SOX5: variants seen among roughly 807,000 people sequenced by gnomAD.
SOX5 encodes the protein transcription factor SOX-5.
A neutral mutation model predicts 92.0 loss-of-function variants in SOX5; 9 were observed. That is an observed-to-expected ratio of 0.10 (90% CI 0.06 to 0.17). The LOEUF is 0.17. Among genes scored for constraint, SOX5 ranks in the 10% least tolerant of loss-of-function variants. SOX5 has a pLI of 1.00. For missense variants in SOX5, 642 were observed against 944.5 expected, an observed-to-expected ratio of 0.68 and a Z score of 4.20; for synonymous variants, 344 against 336.3, an observed-to-expected ratio of 1.02 and a Z score of -0.25.
At chr12:23,583,994 T>C (rs1950382599) in intron 9 of SOX5, among the ~76,000 whole-genome samples, 1 of 152,036 alleles carries the variant, frequency 6.6e-6, no homozygotes, top group African/African-American at 2.4e-5. Context: ...AACAAAGAAA[T>C]AGAAGTCATG....
At chr12:24,504,597 T>C (rs1005492768) in intron 1 of SOX5, among the ~76,000 whole-genome samples, 1 of 152,180 alleles carries the variant, frequency 6.6e-6, no homozygotes, top group Non-Finnish European at 1.5e-5. Flanking sequence ...ATGCCTACCA[T>C]GTTTCCAAAA....
At chr12:23,941,113 A>T (rs908918278) in intron 1 of SOX5, among the ~76,000 whole-genome samples, 1 of 151,528 alleles carries the variant, frequency 6.6e-6, no homozygotes, top group African/African-American at 2.4e-5. Context: ...ATTTGGCAGG[A>T]TTCATTCAAG....
chr12:23,844,634 A>G (rs1015024390), intron 3 of SOX5, among the ~76,000 whole-genome samples: 1 of 152,222 alleles, frequency 6.6e-6, no homozygotes, highest in Non-Finnish European at 1.5e-5. Context: ...TTTTAAGTTT[A>G]GCATATTTCA....
intron 2 of SOX5, among the ~76,000 whole-genome samples, chr12:24,343,347 C>G (rs1952795167): frequency 6.6e-6 from 1 of 151,676 alleles, no homozygotes; most frequent in African/African-American, 2.4e-5. Flanking sequence ...CCTTGGGTCC[C>G]TACATCCCCT....
chr12:23,978,174 T>C (rs1420395008), intron 4 of SOX5, among the ~76,000 whole-genome samples: 2 of 152,198 alleles, frequency 1.3e-5, no homozygotes, highest in East Asian at 3.8e-4. Flanking sequence ...AAAATTTGCC[T>C]GGTAAATTTC....
intron 9 of SOX5, among the ~76,000 whole-genome samples, chr12:23,591,246 A>T (rs545010292): frequency 1.1e-4 from 17 of 152,220 alleles, no homozygotes; most frequent in African/African-American, 3.8e-4. Context: ...GCAAAGATTG[A>T]AACAGTGAAA....
intron 2 of SOX5, among the ~76,000 whole-genome samples, chr12:24,297,444 C>T (rs1024347815): frequency 5.9e-5 from 9 of 152,180 alleles, no homozygotes; most frequent in East Asian, 3.9e-4. Context: ...CGTGGGTATA[C>T]GGAAATGGAA....
At chr12:23,880,897 A>C (rs1248575310) in intron 2 of SOX5, among the ~76,000 whole-genome samples, 1 of 152,236 alleles carries the variant, frequency 6.6e-6, no homozygotes, top group Non-Finnish European at 1.5e-5. Flanking sequence ...ATATATAAAC[A>C]TAACATTTTT....
intron 1 of SOX5, among the ~76,000 whole-genome samples, chr12:23,923,307 A>ATGAATGAATGAG (rs1434100256): frequency 6.6e-6 from 1 of 151,874 alleles, no homozygotes; most frequent in Admixed American, 6.6e-5. Flanking sequence ...GAATGAATGA[A>ATGAATGAATGAG]TGAATGAATG....
At chr12:24,073,881 C>T (rs7954774) in intron 4 of SOX5, among the ~76,000 whole-genome samples, 4,323 of 152,176 alleles carry the variant, frequency 0.028, 201 homozygotes, top group African/African-American at 0.099. Flanking sequence ...TTTATTGCTT[C>T]TTTAATCTTG....
At position 23,534,336 on chromosome 12, in the gene SOX5, C is replaced by A. The variant is rs758826179; in HGVS notation, c.2175G>T (p.Glu725Asp). ...CTCCATTGATGTCCTCGGCCTGTAT[C>A]TCTTCTTTGATATGTGGCTCCTCTC... is the stretch of plus-strand genomic sequence containing the variant. ...VKGEEPHIKE[E>D]IQAEDINGEI... Residue 725 changes from glutamate (E) to aspartate (D), a missense_variant, in exon 15 of 15, where the codon GAG becomes GAT. Around this residue, in one of 8 missense-constraint regions of SOX5, gnomAD observed 130 missense variants for 140.6 expected, o/e 0.92. Transcript: ENST00000451604. 9.9e-6 allele frequency: 16 copies of A among 1,614,046 alleles called. No homozygotes were observed. The African/African-American group carries it at 2.1e-4, about 22-fold the overall frequency.
intron 4 of SOX5, among the ~76,000 whole-genome samples, chr12:24,174,197 C>T (rs1054850701): frequency 6.6e-6 from 1 of 152,044 alleles, no homozygotes; most frequent in African/African-American, 2.4e-5. Flanking sequence ...GAGGTTTTGC[C>T]ATGTTTGCCC....
chr12:23,653,032 A>G (rs566335768), intron 7 of SOX5, among the ~76,000 whole-genome samples: 1 of 74,380 alleles, frequency 1.3e-5, no homozygotes, highest in East Asian at 3.6e-4. Flanking sequence ...GTACAGATAG[A>G]TGGATGGATG....
intron 6 of SOX5, among the ~76,000 whole-genome samples, chr12:23,685,008 G>A (rs1301001607): frequency 3.9e-5 from 6 of 152,102 alleles, no homozygotes; most frequent in Non-Finnish European, 8.8e-5. Flanking sequence ...TGTAAAATAT[G>A]TATTGAAATT....
At chr12:24,491,842 C>T (rs1029175569) in intron 1 of SOX5, among the ~76,000 whole-genome samples, 6 of 152,034 alleles carry the variant, frequency 3.9e-5, no homozygotes, top group East Asian at 1.9e-4. Flanking sequence ...AGGAATATGC[C>T]GTTTCACACT....
chr12:24,185,711 T>C (rs534104665), intron 4 of SOX5, among the ~76,000 whole-genome samples: 13 of 152,292 alleles, frequency 8.5e-5, no homozygotes, highest in African/African-American at 2.9e-4. Flanking sequence ...TAATAGAACC[T>C]GTTGTAAAGA....
intron 8 of SOX5, among the ~76,000 whole-genome samples, chr12:23,625,646 G>A (rs542759148): frequency 2.0e-5 from 3 of 152,232 alleles, no homozygotes; most frequent in East Asian, 1.9e-4. Flanking sequence ...GTCTCGCTCC[G>A]TTGCCCAGGC....
At chr12:24,513,910 TC>T (rs1254300544) in intron 1 of SOX5, among the ~76,000 whole-genome samples, 1 of 152,238 alleles carries the variant, frequency 6.6e-6, no homozygotes, top group Non-Finnish European at 1.5e-5. Flanking sequence ...TACAAGGTAA[TC>T]CTTTCCACTG....
At chr12:23,881,143 G>C (rs1036453815) in intron 2 of SOX5, among the ~76,000 whole-genome samples, 8 of 152,112 alleles carry the variant, frequency 5.3e-5, no homozygotes, top group African/African-American at 1.7e-4. Flanking sequence ...CTGTTTAACA[G>C]TGTGCTGCCA....
Sources: allele counts gnomAD v4.1 joint callset (sites outside exome capture counted in the v4.1 genomes callset), GRCh38; gene constraint gnomAD v4.1.1; regional missense constraint gnomAD v4.1.1; transcripts MANE v1.5; gene names NCBI Gene and HGNC (gene_info 2026-07-23, HGNC 2026-07-21).